Variants in ADCY7 observed in about 807,000 individuals in gnomAD.
ADCY7 encodes the protein adenylate cyclase 7, also known as adenylate cyclase type 7.
In ADCY7, 72 loss-of-function variants were observed where a neutral mutation model predicts 120.6. The ratio of observed to expected loss-of-function variants is 0.60; its 90% CI spans 0.49 to 0.73. The LOEUF (loss-of-function observed/expected upper bound fraction) is 0.73. Among genes scored for constraint, ADCY7 ranks in the 30% least tolerant of loss-of-function variants. The probability of loss-of-function intolerance (pLI) is 0.00; values close to 1 mark genes in which losing one functional copy is unlikely to be tolerated. For synonymous variants in ADCY7, 661 were observed against 628.0 expected, an observed-to-expected ratio of 1.05 and a Z score of -0.78; for missense variants, 1,227 against 1,486.0, an observed-to-expected ratio of 0.83 and a Z score of 2.87.
chr16:50,254,456 C>T (rs187908393), intron 1 of ADCY7, among the ~76,000 whole-genome samples: 3 of 152,264 alleles, frequency 2.0e-5, no homozygotes, highest in Admixed American at 2.0e-4. Flanking sequence ...AGTCAACACA[C>T]AAAAATCAGT....
chr16:50,260,247 C>G (rs1237312147), intron 1 of ADCY7, among the ~76,000 whole-genome samples: 2 of 152,190 alleles, frequency 1.3e-5, no homozygotes, highest in East Asian at 3.8e-4. Flanking sequence ...AGAGGTGGTC[C>G]TTGCCCTCAG....
At chr16:50,248,414 G>A (rs1368279265) in intron 1 of ADCY7, among the ~76,000 whole-genome samples, 1 of 152,240 alleles carries the variant, frequency 6.6e-6, no homozygotes, top group African/African-American at 2.4e-5. Context: ...TGGGCAGGAG[G>A]CAGAGAGCTG....
intron 1 of ADCY7, among the ~76,000 whole-genome samples, chr16:50,257,313 G>T (rs4470143): frequency 2.0e-5 from 3 of 152,122 alleles, no homozygotes; most frequent in South Asian, 2.1e-4. Context: ...TGTAGGTAAG[G>T]GGGGCAGGGG....
chr16:50,313,602 C>G lies in ADCY7; in HGVS notation c.2752-356C>G, dbSNP rs935105933. ...TCAGGCCCCTTAGCTTCATTTCCAACTAAGCCCACGCTATCAACCAAGCCA... is the reference window on the plus strand; with the variant it reads ...TCAGGCCCCTTAGCTTCATTTCCAAGTAAGCCCACGCTATCAACCAAGCCA... On this transcript the variant is annotated intron_variant, in intron 22 of 25. Transcript: ENST00000673801. 12 of 252,490 alleles carry G rather than the reference C, an allele frequency of 4.8e-5. No individual in the cohort carries two copies. The Admixed American group carries it at 6.0e-4, about 13-fold the overall frequency. 15.6% of individuals were successfully genotyped at this position (252,490 alleles called of 1,614,324 possible). A position where few individuals can be genotyped will look rare whatever the true frequency, so the allele number is the denominator to read the frequency against.
intron 1 of ADCY7, among the ~76,000 whole-genome samples, chr16:50,284,829 C>T (rs2034481190): frequency 6.6e-6 from 1 of 152,248 alleles, no homozygotes; most frequent in African/African-American, 2.4e-5. Context: ...GGGCTCAGTT[C>T]TGCATCTGTG....
rs2150846273 is a variant in ADCY7 at position 50,272,742 on chromosome 16, G to A, written c.-269+6062G>A. ...TCTCCTTGCTGGAGCAGGGGTCCAG[G>A]GTGCTGGTGTAGGCTGGGATGAGAC... On this transcript the variant is annotated intron_variant, in intron 1 of 25. Transcript: ENST00000673801. Among the ~76,000 whole-genome samples the A allele has an allele frequency of 2.0e-5, 3 of 152,232 alleles. No individual in the cohort carries two copies. In the Middle Eastern group the frequency reaches 0.01, roughly 518 times the overall value.
At chr16:50,301,698 G>A (rs1399645853) in intron 10 of ADCY7, 1 of 164,880 alleles carries the variant, frequency 6.1e-6, no homozygotes, top group East Asian at 1.7e-4. Context: ...CCCCACGGTG[G>A]AGGAGGCAGT....
At chr16:50,254,141 T>C (rs1242439526) in intron 1 of ADCY7, among the ~76,000 whole-genome samples, 2 of 152,182 alleles carry the variant, frequency 1.3e-5, no homozygotes, top group African/African-American at 4.8e-5. Flanking sequence ...ATGGAGGAGA[T>C]GGCAGATCCC....
intron 10 of ADCY7, among the ~76,000 whole-genome samples, chr16:50,302,922 C>A (rs376445535): frequency 1.6e-4 from 24 of 152,230 alleles, no homozygotes; most frequent in African/African-American, 5.8e-4. Flanking sequence ...TGCCTTACGC[C>A]ATTGCTGTGT....
intron 1 of ADCY7, among the ~76,000 whole-genome samples, chr16:50,260,984 A>G (rs2033043705): frequency 6.6e-6 from 1 of 152,224 alleles, no homozygotes; most frequent in South Asian, 2.1e-4. Flanking sequence ...GACAAGGGTC[A>G]CTGGAGGCTG....
intron 1 of ADCY7, among the ~76,000 whole-genome samples, chr16:50,270,552 C>T (rs1017287916): frequency 3.3e-5 from 5 of 152,184 alleles, no homozygotes; most frequent in African/African-American, 9.7e-5. Flanking sequence ...CCTGGCACAG[C>T]GGAGGCGCTA....
chr16:50,292,639 A>G (rs1322891574), intron 4 of ADCY7, 37 bp from the exon 5 acceptor site: 2 of 1,608,706 alleles, frequency 1.2e-6, no homozygotes, highest in Non-Finnish European at 1.7e-6. Context: ...GGCATGGGCC[A>G]GGCCACATAA....
chr16:50,270,233 A>G (rs2033475819), intron 1 of ADCY7, among the ~76,000 whole-genome samples: 1 of 150,762 alleles, frequency 6.6e-6, no homozygotes, highest in African/African-American at 2.4e-5. Context: ...ATAGATAAAC[A>G]GATAGATAGA....
chr16:50,289,929 C>T (rs936169526), intron 2 of ADCY7, among the ~76,000 whole-genome samples: 12 of 152,212 alleles, frequency 7.9e-5, no homozygotes, highest in African/African-American at 2.9e-4. Context: ...TGTGTGCCAG[C>T]CCCCAGATCA....
intron 1 of ADCY7, among the ~76,000 whole-genome samples, chr16:50,279,069 A>G (rs2034092347): frequency 6.6e-6 from 1 of 152,078 alleles, no homozygotes; most frequent in Non-Finnish European, 1.5e-5. Flanking sequence ...ACAGGGTTTC[A>G]CCATGTTGGC....
Position 50,308,417 on chromosome 16 carries a change from T to G in ADCY7, c.1935+6T>G. 1 of 1,614,086 alleles carries G rather than the reference T, an allele frequency of 6.2e-7. No individual in the cohort carries two copies. The highest frequency in any genetic ancestry group is 1.1e-5 in the South Asian group (1 of 91,082). On this transcript the variant is annotated splice_donor_region_variant and intron_variant, in intron 16 of 25. Coordinates refer to ENST00000673801, the MANE Select transcript of ADCY7 (RefSeq NM_001114.5). ...GCTTTGCCACCAAGTTCTCGGTAAG[T>G]GGGGAGCTCTGGCCCCGCGGGCCCT... is the stretch of plus-strand genomic sequence containing the variant.
chr16:50,311,814 C>CCG, intron 20 of ADCY7, 28 bp downstream of exon 20: 1 of 1,256,072 alleles, frequency 8.0e-7, no homozygotes, highest in East Asian at 2.8e-5. Flanking sequence ...CCCCCCCCCC[C>CCG]CAAGCTCTGC....
chr16:50,307,927 C>G (rs962884805), intron 15 of ADCY7, among the ~76,000 whole-genome samples: 1 of 129,536 alleles, frequency 7.7e-6, no homozygotes, highest in African/African-American at 2.9e-5. Context: ...ACCTGGGAGG[C>G]GGAGGTTGCA....
intron 17 of ADCY7, chr16:50,309,279 G>A: frequency 2.1e-6 from 1 of 466,020 alleles, no homozygotes; most frequent in Non-Finnish European, 3.8e-6. Flanking sequence ...GGTCACCTGG[G>A]GAGGCTGAAA....
Sources: gnomAD v4.1 joint callset for allele counts (sites outside exome capture counted in the v4.1 genomes callset) on GRCh38, gnomAD v4.1.1 for gene constraint, MANE v1.5 for transcripts, NCBI Gene and HGNC (gene_info 2026-07-23, HGNC 2026-07-21) for gene names.